ZNF385B: variants seen among roughly 807,000 people sequenced by gnomAD.
ZNF385B encodes zinc finger protein 385B.
Under a neutral mutation model 39.2 loss-of-function variants are expected in ZNF385B, and 23 were observed. The ratio of observed to expected loss-of-function variants is 0.59; its 90% CI spans 0.42 to 0.83. ZNF385B has a LOEUF of 0.83. ZNF385B is among the 40% of genes least tolerant of loss of function. The pLI is 0.00. For synonymous variants in ZNF385B, 205 were observed against 222.6 expected, an observed-to-expected ratio of 0.92 and a Z score of 0.70; for missense variants, 552 against 598.9, an observed-to-expected ratio of 0.92 and a Z score of 0.82.
intron 1 of ZNF385B, among the ~76,000 whole-genome samples, chr2:179,785,516 T>C (rs1396731943): frequency 6.6e-6 from 1 of 152,146 alleles, no homozygotes. Flanking sequence ...AGAACATTTG[T>C]GATTCATAAG....
chr2:179,704,034 G>A (rs1453529064), intron 3 of ZNF385B, among the ~76,000 whole-genome samples: 1 of 152,120 alleles, frequency 6.6e-6, no homozygotes, highest in Non-Finnish European at 1.5e-5. Flanking sequence ...GATGAATTTC[G>A]AGCAAGAAAC....
At chr2:179,454,876 T>C (rs1424830431) in intron 6 of ZNF385B, among the ~76,000 whole-genome samples, 3 of 152,226 alleles carry the variant, frequency 2.0e-5, no homozygotes, top group Non-Finnish European at 2.9e-5. Context: ...TTAAAAACAT[T>C]TGGAGTTTAT....
intron 3 of ZNF385B, among the ~76,000 whole-genome samples, chr2:179,546,603 T>C (rs181460996): frequency 1.6e-3 from 251 of 152,332 alleles, no homozygotes; most frequent in Middle Eastern, 3.4e-3. Context: ...ATGTAACTCA[T>C]TTTCTTTTTC....
intron 3 of ZNF385B, among the ~76,000 whole-genome samples, chr2:179,684,871 A>G (rs932842912): frequency 6.6e-6 from 1 of 152,222 alleles, no homozygotes; most frequent in Non-Finnish European, 1.5e-5. Flanking sequence ...CTGAGCTAAA[A>G]TTTTAGGCAC....
intron 7 of ZNF385B, 132 bp downstream of exon 7, chr2:179,446,393 A>C: frequency 7.9e-7 from 1 of 1,264,822 alleles, no homozygotes; most frequent in Non-Finnish European, 1.1e-6. Context: ...TTCTAAAATC[A>C]CTCCTTTGAA....
intron 3 of ZNF385B, among the ~76,000 whole-genome samples, chr2:179,753,100 T>G (rs183869937): frequency 6.6e-6 from 1 of 152,228 alleles, no homozygotes; most frequent in African/African-American, 2.4e-5. Flanking sequence ...TATCTTGAAT[T>G]AATTTTTGTA....
At chr2:179,856,350 CCTT>C (rs1684593439) in intron 1 of ZNF385B, among the ~76,000 whole-genome samples, 1 of 152,102 alleles carries the variant, frequency 6.6e-6, no homozygotes, top group African/African-American at 2.4e-5. Context: ...ACCTGCTCCT[CCTT>C]CTGCCCCACG....
At chr2:179,605,865 T>G (rs1024962149) in intron 3 of ZNF385B, among the ~76,000 whole-genome samples, 3 of 152,036 alleles carry the variant, frequency 2.0e-5, no homozygotes, top group Non-Finnish European at 4.4e-5. Flanking sequence ...GTAGACACAA[T>G]GAGAAAGCCA....
At chr2:179,541,408 C>T (rs1194326363) in intron 4 of ZNF385B, among the ~76,000 whole-genome samples, 1 of 152,098 alleles carries the variant, frequency 6.6e-6, no homozygotes, top group Non-Finnish European at 1.5e-5. Flanking sequence ...TGTTATCATA[C>T]TTCACTATAA....
chr2:179,730,099 C>A (rs183834918), intron 3 of ZNF385B, among the ~76,000 whole-genome samples: 1 of 152,186 alleles, frequency 6.6e-6, no homozygotes, highest in Non-Finnish European at 1.5e-5. Flanking sequence ...CTAAATATAT[C>A]TGGACACTTG....
chr2:179,778,195 G>A (rs1704455239), intron 1 of ZNF385B, among the ~76,000 whole-genome samples: 2 of 152,286 alleles, frequency 1.3e-5, no homozygotes, highest in South Asian at 4.1e-4. Context: ...CTTTATATGA[G>A]GAAGTCTAGA....
chr2:179,470,753 T>C (rs557657571), intron 6 of ZNF385B, among the ~76,000 whole-genome samples: 1 of 152,324 alleles, frequency 6.6e-6, no homozygotes, highest in South Asian at 2.1e-4. Context: ...TTCTGCTTTG[T>C]TCTGTCATAA....
intron 3 of ZNF385B, among the ~76,000 whole-genome samples, chr2:179,591,127 A>ACACACACAC (rs57733093): frequency 6.6e-6 from 1 of 151,426 alleles, no homozygotes; most frequent in East Asian, 1.9e-4. Flanking sequence ...ACACACACAC[A>ACACACACAC]ATTCAAACCC....
intron 3 of ZNF385B, among the ~76,000 whole-genome samples, chr2:179,624,294 T>A (rs191342860): frequency 6.6e-6 from 1 of 152,312 alleles, no homozygotes; most frequent in Non-Finnish European, 1.5e-5. Context: ...GGTCTGGAAC[T>A]CCCCACCATC....
chr2:179,478,683 A>G (rs73037368), intron 6 of ZNF385B, among the ~76,000 whole-genome samples: 3 of 152,200 alleles, frequency 2.0e-5, no homozygotes, highest in Non-Finnish European at 4.4e-5. Flanking sequence ...TAGAAATGTC[A>G]TTTCCTCATA....
chr2:179,818,303 G>A (rs1429774554), intron 1 of ZNF385B, among the ~76,000 whole-genome samples: 2 of 152,154 alleles, frequency 1.3e-5, no homozygotes, highest in African/African-American at 2.4e-5. Flanking sequence ...GTAGAAATTA[G>A]GTGTGAAAAT....
At chr2:179,803,027 T>C (rs547583321) in intron 1 of ZNF385B, among the ~76,000 whole-genome samples, 10 of 152,308 alleles carry the variant, frequency 6.6e-5, no homozygotes, top group African/African-American at 2.2e-4. Context: ...CATTCAACAG[T>C]TGACATATTC....
intron 3 of ZNF385B, among the ~76,000 whole-genome samples, chr2:179,570,815 G>C (rs1685125984): frequency 6.6e-6 from 1 of 152,200 alleles, no homozygotes; most frequent in Non-Finnish European, 1.5e-5. Flanking sequence ...ATTTCTCAGA[G>C]AGAGGAATCA....
At chr2:179,493,454 T>C (rs1042904100) in intron 5 of ZNF385B, among the ~76,000 whole-genome samples, 2 of 135,866 alleles carry the variant, frequency 1.5e-5, no homozygotes, top group African/African-American at 5.4e-5. Context: ...CATGTGTACA[T>C]GTGTGTACAT....
Sources: allele counts gnomAD v4.1 joint callset (sites outside exome capture counted in the v4.1 genomes callset), GRCh38; gene constraint gnomAD v4.1.1; transcripts MANE v1.5; gene names NCBI Gene and HGNC (gene_info 2026-07-23, HGNC 2026-07-21).